Variants in IGF2BP3 observed in about 807,000 individuals in gnomAD.
IGF2BP3 encodes insulin-like growth factor 2 mRNA-binding protein 3.
IGF2BP3 carries 9 observed loss-of-function variants against 73.8 expected under a neutral mutation model. That is an observed-to-expected ratio of 0.12 (90% CI 0.07 to 0.21). The LOEUF is 0.21. Among genes scored for constraint, IGF2BP3 ranks in the 10% least tolerant of loss-of-function variants. The probability of loss-of-function intolerance (pLI) is 1.00; values close to 1 mark genes in which losing one functional copy is unlikely to be tolerated. For missense variants in IGF2BP3, 542 were observed against 714.0 expected, an observed-to-expected ratio of 0.76 and a Z score of 2.75; for synonymous variants, 258 against 256.7, an observed-to-expected ratio of 1.01 and a Z score of -0.05.
chr7:23,385,518 T>C (rs274028), intron 3 of IGF2BP3, among the ~76,000 whole-genome samples: 150,970 of 152,186 alleles, frequency 0.99, 74,882 homozygotes, highest in East Asian at 1. Flanking sequence ...TCACAAGAAT[T>C]CAGAAGACTG....
chr7:23,397,528 A>C (rs1217923427), intron 3 of IGF2BP3, among the ~76,000 whole-genome samples: 1 of 152,162 alleles, frequency 6.6e-6, no homozygotes, highest in East Asian at 1.9e-4. Flanking sequence ...CTAACTAGCC[A>C]TACGCCATGC....
chr7:23,425,500 C>A (rs1787482891), intron 2 of IGF2BP3, among the ~76,000 whole-genome samples: 1 of 152,174 alleles, frequency 6.6e-6, no homozygotes. Context: ...ACCATCACAG[C>A]CTTCTGAGTA....
In IGF2BP3 at chr7:23,446,599, A is replaced by T. The variant is rs144070524; in HGVS notation, c.236+21883T>A. ...AATAATAAATGTAGAAAAAATAAAGAGAAGTAGAAAGCCACTATTTGACAG... is the reference window on the plus strand; with the variant it reads ...AATAATAAATGTAGAAAAAATAAAGTGAAGTAGAAAGCCACTATTTGACAG... On this transcript the variant is annotated intron_variant, in intron 2 of 14. Coordinates refer to ENST00000258729, the MANE Select transcript of IGF2BP3 (RefSeq NM_006547.3). Among the ~76,000 whole-genome samples the T allele has an allele frequency of 4.4e-3, 670 of 152,322 alleles. 3 individuals carry two copies. Among genetic ancestry groups the T allele is most frequent in the Middle Eastern group, 0.027 (8 of 294 alleles).
At chr7:23,414,829 G>A (rs12670654) in intron 3 of IGF2BP3, 41,883 of 169,086 alleles carry the variant, frequency 0.25, 5,534 homozygotes, top group South Asian at 0.32. Flanking sequence ...CACAGGTCCC[G>A]TCCATCAGTC....
intron 3 of IGF2BP3, among the ~76,000 whole-genome samples, chr7:23,373,597 T>G (rs1181188166): frequency 6.6e-6 from 1 of 152,220 alleles, no homozygotes; most frequent in Non-Finnish European, 1.5e-5. Context: ...CCTCATACAT[T>G]GCTGGATAAA....
intron 11 of IGF2BP3, 185 bp from the exon 12 acceptor site, chr7:23,317,898 T>C (rs775647698): frequency 2.3e-4 from 141 of 612,018 alleles, no homozygotes; most frequent in Non-Finnish European, 3.9e-4. Context: ...GCATATACTA[T>C]ATGCTTATTC....
At chr7:23,410,375 G>A (rs535087890) in intron 3 of IGF2BP3, among the ~76,000 whole-genome samples, 2 of 152,162 alleles carry the variant, frequency 1.3e-5, no homozygotes, top group African/African-American at 2.4e-5. Flanking sequence ...CTGATAAAGG[G>A]CATGATGACC....
chr7:23,313,014 A>G (rs1288080616), intron 13 of IGF2BP3, among the ~76,000 whole-genome samples, 166 bp from the exon 14 acceptor site: 1 of 152,260 alleles, frequency 6.6e-6, no homozygotes, highest in Non-Finnish European at 1.5e-5. Context: ...AAGATGATTA[A>G]GGCTCATCCA....
At chr7:23,423,815 T>C (rs544581243) in intron 2 of IGF2BP3, among the ~76,000 whole-genome samples, 67 of 152,092 alleles carry the variant, frequency 4.4e-4, no homozygotes, top group African/African-American at 1.6e-3. Context: ...TATTTAAGCA[T>C]TTGCATTAAT....
intron 3 of IGF2BP3, among the ~76,000 whole-genome samples, chr7:23,411,162 C>A (rs531035487): frequency 2.3e-4 from 35 of 152,240 alleles, no homozygotes; most frequent in Non-Finnish European, 4.6e-4. Context: ...TATTTAACAT[C>A]TCTGACTCCC....
chr7:23,364,162 TGAG>T (rs1180432534), intron 3 of IGF2BP3, among the ~76,000 whole-genome samples: 2 of 149,316 alleles, frequency 1.3e-5, no homozygotes, highest in Non-Finnish European at 3.0e-5. Context: ...GATCACGAGG[TGAG>T]GAGATCGAGA....
Position 23,468,719 on chromosome 7 carries a change from T to G in IGF2BP3, c.176-177A>C, listed in dbSNP as rs528486901. On this transcript the variant is annotated intron_variant, in intron 1 of 14. Transcript: ENST00000258729. ...CGACCCCCTCGAGCGGCGTGGGCAT[T>G]TAACTCGCAGATGGTTGGGGAGCAG... Among the ~76,000 whole-genome samples the G allele has an allele frequency of 2.0e-5, 3 of 152,262 alleles. No individual in the cohort carries two copies. In the South Asian group the frequency reaches 6.2e-4, roughly 32 times the overall value.
intron 10 of IGF2BP3, among the ~76,000 whole-genome samples, chr7:23,319,992 C>T (rs2128492933): frequency 6.6e-6 from 1 of 152,204 alleles, no homozygotes; most frequent in South Asian, 2.1e-4. Flanking sequence ...CTCACTGCAA[C>T]CTCCACCTCC....
intron 10 of IGF2BP3, among the ~76,000 whole-genome samples, chr7:23,320,537 A>T (rs76109075): frequency 6.6e-6 from 1 of 151,944 alleles, no homozygotes; most frequent in South Asian, 2.1e-4. Flanking sequence ...TTCTAACAAT[A>T]TAGTGAGAAA....
chr7:23,365,318 T>C (rs529287924), intron 3 of IGF2BP3, among the ~76,000 whole-genome samples: 2 of 152,216 alleles, frequency 1.3e-5, no homozygotes, highest in African/African-American at 4.8e-5. Flanking sequence ...TTAATTCTTC[T>C]GAAAAGCAAT....
chr7:23,470,028 G>A lies in IGF2BP3; in HGVS notation c.83C>T (p.Pro28Leu). The A allele has an allele frequency of 6.2e-6, 10 of 1,612,888 alleles. No individual in the cohort carries two copies. Among genetic ancestry groups the A allele is most frequent in the Non-Finnish European group, 5.9e-6 (7 of 1,179,750 alleles). ...LESIFKDAKI[P>L]VSGPFLVKTG... is the part of the protein sequence containing the mutation. ...CTTCACCAGGAAGGGTCCCGACACC[G>A]GGATCTTGGCGTCCTTGAAGATACT... Residue 28 changes from proline to leucine, a missense_variant, in exon 1 of 15, where the codon CCG (proline) becomes CTG (leucine). Pro to Leu is a moderately conservative substitution (Grantham distance 98, BLOSUM62 -3). Around this residue, in one of 2 missense-constraint regions of IGF2BP3, gnomAD observed 239 missense variants for 241.9 expected, o/e 0.99. Transcript: ENST00000258729.
intron 3 of IGF2BP3, among the ~76,000 whole-genome samples, chr7:23,401,600 A>G (rs140844273): frequency 6.6e-6 from 1 of 152,066 alleles, no homozygotes; most frequent in East Asian, 1.9e-4. Flanking sequence ...CCCTGTCTCT[A>G]CTAAAAATAC....
chr7:23,336,382 G>C (rs1784573504), intron 10 of IGF2BP3, among the ~76,000 whole-genome samples: 1 of 151,718 alleles, frequency 6.6e-6, no homozygotes, highest in Admixed American at 6.6e-5. Context: ...CCAGAATGCA[G>C]TTCAGGAACA....
rs1170344247 is a variant in IGF2BP3, at chr7:23,346,056, T to C, written c.825A>G (p.Glu275=). The C allele has an allele frequency of 1.2e-6, 2 of 1,610,494 alleles. No homozygotes were observed. The highest frequency in any genetic ancestry group is 3.4e-5 in the Admixed American group (2 of 59,184). ...HKEAQDIKFT[E]EIPLKILAHN... Reference sequence around the variant, plus strand: ...GAGCTAAAATCTTCAAGGGGATCTCTTCTGTGCTGTAAATAGAAAAGTGGC... The same window carrying C: ...GAGCTAAAATCTTCAAGGGGATCTCCTCTGTGCTGTAAATAGAAAAGTGGC... Residue 275 remains glutamate, a synonymous_variant, in exon 8 of 15, where the codon GAA becomes GAG. Transcript: ENST00000258729.
Sources: gnomAD v4.1 joint callset for allele counts (sites outside exome capture counted in the v4.1 genomes callset) on GRCh38, gnomAD v4.1.1 for gene constraint, gnomAD v4.1.1 regional missense constraint, MANE v1.5 for transcripts, NCBI Gene and HGNC (gene_info 2026-07-23, HGNC 2026-07-21) for gene names.